The following NDUFS1 variants were observed in gnomAD, a reference collection of about 807,000 sequenced individuals.
NDUFS1 encodes NADH:ubiquinone oxidoreductase core subunit S1, also known as NADH-ubiquinone oxidoreductase 75 kDa subunit, mitochondrial.
In NDUFS1, 61 loss-of-function variants were observed where a neutral mutation model predicts 84.4. That is an observed-to-expected ratio of 0.72 (90% CI 0.59 to 0.89). The LOEUF is 0.89. Ranked by LOEUF, NDUFS1 falls within the 40% of genes least tolerant of loss-of-function variation. NDUFS1 has a pLI of 0.00. For synonymous variants in NDUFS1, 275 were observed against 290.0 expected (o/e 0.95, Z 0.53); for missense variants, 891 against 890.0 (o/e 1.00, Z -0.01).
rs912793093 is a variant in NDUFS1 at position 206,118,061 on chromosome 2, T to C, written c.*6124A>G. On this transcript the variant is annotated 3_prime_UTR_variant, in exon 19 of 19. Coordinates refer to ENST00000233190, the MANE Select transcript of NDUFS1 (RefSeq NM_005006.7). ...ACTATACATTGCCATTTTCAACATA[T>C]GCTTTTAGTGAGTTATTTAAAAATA... 2 of 152,232 alleles carry C rather than the reference T, an allele frequency of 1.3e-5. No individual in the cohort carries two copies. The highest frequency in any genetic ancestry group is 4.8e-5 in the African/African-American group (2 of 41,454). 9.4% of individuals were successfully genotyped at this position (152,232 alleles called of 1,614,324 possible).
At chr2:206,158,992 G>A in intron 1 of NDUFS1, 1 of 1,267,916 alleles carries the variant, frequency 7.9e-7, no homozygotes, top group African/African-American at 1.5e-5. Context: ...TAAGGCCTAA[G>A]TCATCGGACA....
At chr2:206,153,799 G>C (rs886452150) in intron 1 of NDUFS1, 117 bp from the exon 2 acceptor site, 5 of 656,298 alleles carry the variant, frequency 7.6e-6, no homozygotes, top group African/African-American at 1.9e-5. Flanking sequence ...ACACTCATAG[G>C]TTCTGATATT....
intron 1 of NDUFS1, 167 bp downstream of exon 1, chr2:206,159,174 G>GC (rs1237099782): frequency 2.0e-6 from 3 of 1,534,840 alleles, no homozygotes; most frequent in South Asian, 1.2e-5. Context: ...GTGGCTAAAA[G>GC]CCCCCCATCT....
At chr2:206,128,078 A>G in intron 15 of NDUFS1, 106 bp from the exon 16 acceptor site, 2 of 1,277,120 alleles carry the variant, frequency 1.6e-6, no homozygotes, top group Non-Finnish European at 2.2e-6. Flanking sequence ...GTAAAGTCAC[A>G]AAAGTTTTTA....
In NDUFS1 at chr2:206,146,996, A is replaced by G. The variant is rs1575984693; in HGVS notation, c.644T>C (p.Met215Thr). ...QVGTYIEKMF[M>T]SELSGNIIDI... Reference sequence around the variant, plus strand: ...AATGATATTCCCAGACAGTTCAGACATGAACATCTTTTCAATGTATGTGCC... The same window carrying G: ...AATGATATTCCCAGACAGTTCAGACGTGAACATCTTTTCAATGTATGTGCC... The change falls in exon 8 of 19, where the codon ATG becomes ACG. Residue 215 changes from methionine to threonine, a missense_variant. Met to Thr is a moderately conservative substitution (Grantham distance 81, BLOSUM62 -1). Coordinates refer to ENST00000233190, the MANE Select transcript of NDUFS1 (RefSeq NM_005006.7). 14 of 1,614,106 alleles carry G rather than the reference A, an allele frequency of 8.7e-6. No homozygotes were observed. Among genetic ancestry groups the G allele is most frequent in the African/African-American group, 5.3e-5 (4 of 75,068 alleles).
rs1326933048 is a variant in NDUFS1 at position 206,130,190 on chromosome 2, C to T, written c.1606G>A (p.Ala536Thr). The T allele has an allele frequency of 6.2e-7, 1 of 1,614,198 alleles. No homozygotes were observed. The highest frequency in any genetic ancestry group is 8.5e-7 in the Non-Finnish European group (1 of 1,180,040). ...ACCTTGGGAGGGTTCTTCCGAATTGCTTCCACCCCAGGCTTATAGCCAAGG... is the reference window on the plus strand; with the variant it reads ...ACCTTGGGAGGGTTCTTCCGAATTGTTTCCACCCCAGGCTTATAGCCAAGG... ...LDLGYKPGVEAIRKNPPKVLF... is the reference protein window; with the variant it reads ...LDLGYKPGVETIRKNPPKVLF... Residue 536 changes from alanine (A) to threonine (T), a missense_variant, in exon 15 of 19, where the codon GCA becomes ACA. By Grantham distance (58) the Ala-to-Thr change is moderately conservative. Transcript: ENST00000233190.
chr2:206,133,154 T>C (rs2105953004), intron 13 of NDUFS1, 49 bp from the exon 14 acceptor site: 1 of 1,467,500 alleles, frequency 6.8e-7, no homozygotes, highest in East Asian at 2.4e-5. Flanking sequence ...ACAAGTAAGC[T>C]GAACACCAAA....
intron 14 of NDUFS1, among the ~76,000 whole-genome samples, chr2:206,131,012 A>G (rs892340061): frequency 1.3e-5 from 2 of 152,198 alleles, no homozygotes; most frequent in African/African-American, 2.4e-5. Context: ...CTACGAATAT[A>G]TATTACTCTT....
Position 206,116,532 on chromosome 2 carries a change from G to C in NDUFS1, c.*7653C>G. Reference sequence around the variant, plus strand: ...AGGGGTGCGGGGATGGCAGCGCTACGCCTCAGCCACTCGCGCGGGGAGGCG... The same window carrying C: ...AGGGGTGCGGGGATGGCAGCGCTACCCCTCAGCCACTCGCGCGGGGAGGCG... On this transcript the variant is annotated 3_prime_UTR_variant, in exon 19 of 19. Transcript: ENST00000233190. 1 of 1,009,186 alleles carries C rather than the reference G, an allele frequency of 9.9e-7. No individual in the cohort carries two copies. The highest frequency in any genetic ancestry group is 1.4e-5 in the South Asian group (1 of 71,268). The allele number at this position is 1,009,186 out of a possible 1,614,324, so 62.5% of individuals were successfully genotyped here.
intron 13 of NDUFS1, among the ~76,000 whole-genome samples, chr2:206,133,485 T>C (rs1038271852): frequency 3.3e-5 from 5 of 152,222 alleles, no homozygotes; most frequent in African/African-American, 1.2e-4. Context: ...GTATCATGCC[T>C]ACTATCTTCC....
At position 206,147,233 on chromosome 2, in the gene NDUFS1, T is replaced by C. The variant is rs1692188317; in HGVS notation, c.552-145A>G. The C allele has an allele frequency of 6.7e-6, 6 of 897,912 alleles. No individual in the cohort carries two copies. The Admixed American group carries it at 8.4e-5, about 13-fold the overall frequency. The allele number at this position is 897,912 out of a possible 1,614,324, so 55.6% of individuals were successfully genotyped here. On this transcript the variant is annotated intron_variant, in intron 7 of 18. Transcript: ENST00000233190. ...GTGAGCACAGTCCTAGAATAAAAAA[T>C]AATGAAATGTTTGCATTTAATTGAG...
chr2:206,130,022 T>G, intron 15 of NDUFS1, 66 bp downstream of exon 15: 1 of 1,588,016 alleles, frequency 6.3e-7, no homozygotes, highest in Non-Finnish European at 8.6e-7. Context: ...AATATATTAC[T>G]AAATGGTTTC....
chr2:206,149,795 G>A (rs1401204035), intron 4 of NDUFS1, 23 bp downstream of exon 4: 3 of 1,549,310 alleles, frequency 1.9e-6, no homozygotes, highest in South Asian at 1.1e-5. Flanking sequence ...ACAGCATGGT[G>A]TAGAATTTTA....
chr2:206,159,200 C>A, intron 1 of NDUFS1, 141 bp downstream of exon 1: 1 of 1,511,238 alleles, frequency 6.6e-7, no homozygotes, highest in Non-Finnish European at 8.9e-7. Flanking sequence ...CTCTCAGGGG[C>A]TTCCGAGGCG....
In NDUFS1 at chr2:206,117,044, A is replaced by T. The variant is rs1250269827; in HGVS notation, c.*7141T>A. ...AGAAAAAAAAAATAAATAAATAAAAATTAGTGGGGCATGGTGGCTCACACC... is the reference window on the plus strand; with the variant it reads ...AGAAAAAAAAAATAAATAAATAAAATTTAGTGGGGCATGGTGGCTCACACC... On this transcript the variant is annotated 3_prime_UTR_variant, in exon 19 of 19. Transcript: ENST00000233190. 1.3e-5 allele frequency: 2 copies of T among 152,250 alleles called. No individual in the cohort carries two copies. Among genetic ancestry groups the T allele is most frequent in the Admixed American group, 1.3e-4 (2 of 15,260 alleles). The allele number at this position is 152,250 out of a possible 1,614,324, so 9.4% of individuals were successfully genotyped here.
chr2:206,126,913 T>C, intron 16 of NDUFS1, 69 bp from the exon 17 acceptor site: 9 of 1,572,676 alleles, frequency 5.7e-6, no homozygotes, highest in African/African-American at 1.4e-5. Flanking sequence ...TAATAGATAA[T>C]TGTAACTATG....
chr2:206,147,268 AC>A (rs1451294179), intron 7 of NDUFS1, among the ~76,000 whole-genome samples, 180 bp from the exon 8 acceptor site: 1 of 152,260 alleles, frequency 6.6e-6, no homozygotes, highest in African/African-American at 2.4e-5. Flanking sequence ...GGTGTAACAC[AC>A]AGGCAGAAAC....
rs1553509152 is a variant in NDUFS1, at chr2:206,157,963, C to CTTTTT, written c.-5+1373_-5+1377dup. On this transcript the variant is annotated intron_variant, in intron 1 of 18. Transcript: ENST00000233190. ...CTCCTTGCCTGGAGTATTTCAATAG[C>CTTTTT]TTTTTTTTTTTTTTTTTTGAGACAG... Among the ~76,000 whole-genome samples the CTTTTT allele has an allele frequency of 5.3e-5, 7 of 131,864 alleles. 1 individual carries two copies. Among genetic ancestry groups the CTTTTT allele is most frequent in the Admixed American group, 1.6e-4 (2 of 12,728 alleles). 86.5% of individuals were successfully genotyped at this position (131,864 alleles called of 152,430 possible). A position where few individuals can be genotyped will look rare whatever the true frequency, so the allele number is the denominator to read the frequency against.
intron 8 of NDUFS1, 103 bp from the exon 9 acceptor site, chr2:206,145,129 G>A: frequency 8.8e-7 from 1 of 1,132,540 alleles, no homozygotes; most frequent in East Asian, 2.4e-5. Flanking sequence ...TTCCCTTTCT[G>A]AATTACTTTA....
Sources: allele counts gnomAD v4.1 joint callset (sites outside exome capture counted in the v4.1 genomes callset), GRCh38; gene constraint gnomAD v4.1.1; transcripts MANE v1.5; gene names NCBI Gene and HGNC (gene_info 2026-07-23, HGNC 2026-07-21).